Variants in SCP2 observed in about 807,000 individuals in gnomAD.
SCP2 encodes the protein SCP-2/3-oxoacyl-CoA thiolase.
Under a neutral mutation model 71.4 loss-of-function variants are expected in SCP2, and 48 were observed. The ratio of observed to expected loss-of-function variants is 0.67; its 90% CI spans 0.53 to 0.86. SCP2 has a LOEUF of 0.86. Ranked by LOEUF, SCP2 falls within the 40% of genes least tolerant of loss-of-function variation. The pLI is 0.00. For missense variants in SCP2, 560 were observed against 655.6 expected, an observed-to-expected ratio of 0.85 and a Z score of 1.59; for synonymous variants, 220 against 218.1, an observed-to-expected ratio of 1.01 and a Z score of -0.08.
At chr1:52,975,426 C>A (rs983711572) in intron 7 of SCP2, among the ~76,000 whole-genome samples, 8 of 152,286 alleles carry the variant, frequency 5.3e-5, no homozygotes, top group African/African-American at 1.9e-4. Flanking sequence ...GATCCACCTG[C>A]CTCTGCCTCC....
intron 1 of SCP2, among the ~76,000 whole-genome samples, chr1:52,938,343 T>C (rs1214571591): frequency 1.3e-5 from 2 of 152,220 alleles, no homozygotes; most frequent in African/African-American, 4.8e-5. Context: ...TGGTTTGCAG[T>C]CAAAAGAATA....
At chr1:53,025,827 A>G (rs893715780) in intron 12 of SCP2, among the ~76,000 whole-genome samples, 3 of 152,160 alleles carry the variant, frequency 2.0e-5, no homozygotes, top group Admixed American at 2.0e-4. Context: ...AAACAATTTC[A>G]CTTCCATGTT....
intron 10 of SCP2, among the ~76,000 whole-genome samples, chr1:52,981,494 T>C (rs1658492368): frequency 6.6e-6 from 1 of 151,470 alleles, no homozygotes; most frequent in Non-Finnish European, 1.5e-5. Flanking sequence ...TGGAGTGCAA[T>C]GGTGTGATCT....
intron 9 of SCP2, among the ~76,000 whole-genome samples, chr1:52,979,032 C>T (rs1658231158): frequency 6.6e-6 from 1 of 152,160 alleles, no homozygotes; most frequent in African/African-American, 2.4e-5. Flanking sequence ...TTATAGTTTA[C>T]AAATGATTTT....
In SCP2 at chr1:52,962,124, A is replaced by C. The variant is rs138017290; in HGVS notation, c.523+495A>C. On this transcript the variant is annotated intron_variant, in intron 6 of 15. Coordinates refer to ENST00000371514, the MANE Select transcript of SCP2 (RefSeq NM_002979.5). ...TGCCATGTTGCCCAGGCTGGTCTCA[A>C]ACTCTGAGCTCAAGTGATCCACCTG... Among the ~76,000 whole-genome samples the C allele has an allele frequency of 2.4e-4, 36 of 152,232 alleles. No individual in the cohort carries two copies. In the East Asian group the frequency reaches 6.9e-3, roughly 29 times the overall value.
intron 1 of SCP2, among the ~76,000 whole-genome samples, chr1:52,929,006 C>A (rs575261135): frequency 6.6e-6 from 1 of 152,050 alleles, no homozygotes; most frequent in East Asian, 2.0e-4. Context: ...AGATGTATTC[C>A]TTTTTCCTCA....
At chr1:53,043,213 T>G (rs950246159) in intron 14 of SCP2, among the ~76,000 whole-genome samples, 1 of 152,328 alleles carries the variant, frequency 6.6e-6, no homozygotes, top group South Asian at 2.1e-4. Context: ...AATGGTCTTA[T>G]CTAAATATGA....
rs530070906 is a variant in SCP2 at position 52,934,991 on chromosome 1, G to C, written c.70-6805G>C. The C allele has an allele frequency of 3.2e-4, 48 of 149,614 alleles. 1 individual carries two copies. In the East Asian group the frequency reaches 8.8e-3, roughly 27 times the overall value. 9.3% of individuals were successfully genotyped at this position (149,614 alleles called of 1,614,324 possible). A position where few individuals can be genotyped will look rare whatever the true frequency, so the allele number is the denominator to read the frequency against. ...ACTTTTAAGAAACGTCGGCCCGGGA[G>C]CGGTGGCTCACGCCTGTAATCCCAG... On this transcript the variant is annotated intron_variant, in intron 1 of 15. Transcript: ENST00000371514.
At chr1:53,000,093 T>C (rs1660216073) in intron 11 of SCP2, among the ~76,000 whole-genome samples, 1 of 151,818 alleles carries the variant, frequency 6.6e-6, no homozygotes, top group Admixed American at 6.6e-5. Context: ...AGGCGTGAGC[T>C]GTCACACCCG....
intron 3 of SCP2, among the ~76,000 whole-genome samples, chr1:52,950,214 T>C (rs1442706165): frequency 6.6e-6 from 1 of 152,126 alleles, no homozygotes; most frequent in African/African-American, 2.4e-5. Flanking sequence ...CTCTGCCTAC[T>C]GGTTCAAGTG....
chr1:53,043,780 C>G (rs376382352), intron 14 of SCP2, among the ~76,000 whole-genome samples: 1 of 152,246 alleles, frequency 6.6e-6, no homozygotes, highest in East Asian at 1.9e-4. Flanking sequence ...AGGACCAGGT[C>G]CAACTATCTC....
chr1:52,989,816 G>C (rs906060184), intron 11 of SCP2, among the ~76,000 whole-genome samples: 3 of 152,146 alleles, frequency 2.0e-5, no homozygotes, highest in Admixed American at 2.0e-4. Flanking sequence ...ATGTCCATAG[G>C]GGGCTTTGAA....
intron 13 of SCP2, 66 bp from the exon 14 acceptor site, chr1:53,038,851 A>C: frequency 6.3e-7 from 1 of 1,595,374 alleles, no homozygotes; most frequent in Non-Finnish European, 8.6e-7. Flanking sequence ...TTTAAACATG[A>C]ATTTGCTTGA....
intron 13 of SCP2, among the ~76,000 whole-genome samples, chr1:53,033,562 A>T (rs1662701118): frequency 6.8e-6 from 1 of 147,538 alleles, no homozygotes; most frequent in Non-Finnish European, 1.5e-5. Context: ...CTGAGATTGC[A>T]CCACAGCACT....
intron 10 of SCP2, among the ~76,000 whole-genome samples, chr1:52,985,908 T>C (rs115260817): frequency 0.016 from 2,366 of 152,338 alleles, 69 homozygotes; most frequent in African/African-American, 0.054. Context: ...CTTGTCTCAA[T>C]GTGTCCTATA....
chr1:53,005,904 T>G (rs150335427), intron 11 of SCP2, among the ~76,000 whole-genome samples: 1 of 152,156 alleles, frequency 6.6e-6, no homozygotes, highest in South Asian at 2.1e-4. Context: ...GAATGGCTAA[T>G]TAGAATAAAC....
At position 53,034,883 on chromosome 1, in the gene SCP2, A is replaced by C. The variant is rs111657973; in HGVS notation, c.1339-4034A>C. On this transcript the variant is annotated intron_variant, in intron 13 of 15. Coordinates refer to ENST00000371514, the MANE Select transcript of SCP2 (RefSeq NM_002979.5). Reference sequence around the variant, plus strand: ...CACTTTGGGAGGCCGAGGCAGGCGGATCATGAGGTCAGGAGATTGAGACCA... The same window carrying C: ...CACTTTGGGAGGCCGAGGCAGGCGGCTCATGAGGTCAGGAGATTGAGACCA... 3.3e-5 allele frequency among the ~76,000 whole-genome samples: 5 copies of C among 152,298 alleles called. 1 individual carries two copies. Among genetic ancestry groups the C allele is most frequent in the African/African-American group, 1.2e-4 (5 of 41,566 alleles).
At chr1:52,997,469 A>G (rs564807943) in intron 11 of SCP2, among the ~76,000 whole-genome samples, 16 of 152,334 alleles carry the variant, frequency 1.1e-4, no homozygotes, top group African/African-American at 3.8e-4. Context: ...TGGTATATTT[A>G]TACTATGGAA....
At chr1:52,975,705 G>T (rs1283025636) in intron 7 of SCP2, among the ~76,000 whole-genome samples, 3 of 152,176 alleles carry the variant, frequency 2.0e-5, no homozygotes, top group African/African-American at 7.2e-5. Context: ...ATTTGATTTT[G>T]CTTTTAAGGA....
Sources: allele counts gnomAD v4.1 joint callset (sites outside exome capture counted in the v4.1 genomes callset), GRCh38; gene constraint gnomAD v4.1.1; transcripts MANE v1.5; gene names NCBI Gene and HGNC (gene_info 2026-07-23, HGNC 2026-07-21).